KIAA1549L: variants seen among roughly 807,000 people sequenced by gnomAD.
KIAA1549L encodes the protein UPF0606 protein KIAA1549L.
In KIAA1549L, 88 loss-of-function variants were observed where a neutral mutation model predicts 160.7. That is an observed-to-expected ratio of 0.55 (90% confidence interval 0.46 to 0.65). KIAA1549L has a LOEUF of 0.65. Ranked by LOEUF, KIAA1549L falls within the 30% of genes least tolerant of loss-of-function variation. The pLI, the probability that KIAA1549L is intolerant of heterozygous loss-of-function variation, is 0.00. For synonymous variants in KIAA1549L, 950 were observed against 976.7 expected (o/e 0.97, Z 0.51); for missense variants, 2,258 against 2,437.5 (o/e 0.93, Z 1.55).
intron 11 of KIAA1549L, among the ~76,000 whole-genome samples, chr11:33,584,618 C>G (rs1855751942): frequency 1.3e-5 from 2 of 152,236 alleles, no homozygotes; most frequent in African/African-American, 4.8e-5. Context: ...TCCTCGAGGA[C>G]TATCACCTCG....
intron 20 of KIAA1549L, among the ~76,000 whole-genome samples, chr11:33,664,052 G>A (rs373477977): frequency 6.6e-6 from 1 of 152,282 alleles, no homozygotes; most frequent in South Asian, 2.1e-4. Context: ...GACTCAGACA[G>A]CCCAACTCTG....
At chr11:33,558,737 C>A (rs1183858711) in intron 6 of KIAA1549L, among the ~76,000 whole-genome samples, 1 of 152,088 alleles carries the variant, frequency 6.6e-6, no homozygotes, top group African/African-American at 2.4e-5. Context: ...CGTGCCATCT[C>A]ATAGGATGTT....
At chr11:33,431,296 C>T (rs1469961089) in intron 1 of KIAA1549L, among the ~76,000 whole-genome samples, 2 of 152,198 alleles carry the variant, frequency 1.3e-5, no homozygotes, top group Non-Finnish European at 2.9e-5. Flanking sequence ...CGGATTGCCA[C>T]TGCTGGCTCT....
intron 11 of KIAA1549L, 21 bp downstream of exon 11, chr11:33,583,522 G>A: frequency 6.4e-7 from 1 of 1,556,598 alleles, no homozygotes; most frequent in Middle Eastern, 1.7e-4. Flanking sequence ...GTGGTGGGGA[G>A]AGGGGCAGGA....
At chr11:33,391,422 A>C (rs1482390072) in intron 1 of KIAA1549L, among the ~76,000 whole-genome samples, 1 of 152,182 alleles carries the variant, frequency 6.6e-6, no homozygotes, top group Non-Finnish European at 1.5e-5. Context: ...AGTTGGATAC[A>C]CATTATTAGT....
chr11:33,439,703 T>C (rs767081564), intron 1 of KIAA1549L, among the ~76,000 whole-genome samples: 2 of 151,892 alleles, frequency 1.3e-5, no homozygotes, highest in Non-Finnish European at 2.9e-5. Flanking sequence ...CGTGCCCGGC[T>C]GAGTATTTAT....
chr11:33,618,558 A>C lies in KIAA1549L; in HGVS notation c.5305A>C (p.Arg1769=), dbSNP rs768474. Residue 1769 remains arginine (R), a synonymous_variant, in exon 16 of 21, where the codon AGA becomes CGA. Coordinates refer to ENST00000658780, the MANE Select transcript of KIAA1549L (RefSeq NM_012194.3). ...GCAACAGATGAAGAACTCTGTCTACAGAAGCCGGCAGTCTCTGAACAGCCC... is the reference window on the plus strand; with the variant it reads ...GCAACAGATGAAGAACTCTGTCTACCGAAGCCGGCAGTCTCTGAACAGCCC... ...NRQQMKNSVY[R]SRQSLNSPSP... 1,069,839 of 1,607,012 alleles carry C rather than the reference A, an allele frequency of 0.67. 359,540 individuals carry two copies. Among genetic ancestry groups the C allele is most frequent in the African/African-American group, 0.92 (68,787 of 74,914 alleles).
chr11:33,591,457 G>A, intron 12 of KIAA1549L, 36 bp downstream of exon 12: 3 of 1,514,102 alleles, frequency 2.0e-6, no homozygotes, highest in Non-Finnish European at 2.7e-6. Flanking sequence ...CTCTGTGTCA[G>A]CAAGAGAATA....
At chr11:33,531,423 G>C (rs1299340770) in intron 1 of KIAA1549L, among the ~76,000 whole-genome samples, 3 of 152,046 alleles carry the variant, frequency 2.0e-5, no homozygotes, top group Non-Finnish European at 2.9e-5. Flanking sequence ...TGCAGGAGCC[G>C]AGATTGCGCC....
At chr11:33,621,966 A>G (rs962049292) in intron 16 of KIAA1549L, among the ~76,000 whole-genome samples, 1 of 152,228 alleles carries the variant, frequency 6.6e-6, no homozygotes, top group Non-Finnish European at 1.5e-5. Context: ...TTTACAAACT[A>G]CTTCTCTTAG....
chr11:33,429,433 C>T (rs756169409), intron 1 of KIAA1549L, among the ~76,000 whole-genome samples: 13 of 152,216 alleles, frequency 8.5e-5, no homozygotes, highest in Admixed American at 3.3e-4. Flanking sequence ...ATCAGTCTTT[C>T]CTCCTTACTA....
intron 1 of KIAA1549L, among the ~76,000 whole-genome samples, chr11:33,446,639 T>C (rs1458411121): frequency 6.6e-6 from 1 of 152,152 alleles, no homozygotes; most frequent in Non-Finnish European, 1.5e-5. Context: ...ACTGCAGACA[T>C]CTAAAGGCTT....
chr11:33,522,058 G>T (rs2133127839), intron 1 of KIAA1549L, among the ~76,000 whole-genome samples: 1 of 152,220 alleles, frequency 6.6e-6, no homozygotes, highest in African/African-American at 2.4e-5. Flanking sequence ...TAAAATAAAT[G>T]CTATTTTGAT....
At chr11:33,449,218 A>G (rs543987786) in intron 1 of KIAA1549L, among the ~76,000 whole-genome samples, 7 of 152,220 alleles carry the variant, frequency 4.6e-5, no homozygotes, top group Admixed American at 3.3e-4. Flanking sequence ...AACTTTTTGG[A>G]AAATTTGCTC....
intron 20 of KIAA1549L, 35 bp downstream of exon 20, chr11:33,661,049 CCTGCTTAA>C: frequency 6.4e-7 from 1 of 1,574,622 alleles, no homozygotes; most frequent in Non-Finnish European, 8.6e-7. Flanking sequence ...TAAAACTTTA[CCTGCTTAA>C]CACATGCCAA....
chr11:33,448,608 G>A (rs1851662137), intron 1 of KIAA1549L, among the ~76,000 whole-genome samples: 1 of 152,072 alleles, frequency 6.6e-6, no homozygotes, highest in African/African-American at 2.4e-5. Flanking sequence ...TACACTCCAG[G>A]GACAGCTTGA....
intron 11 of KIAA1549L, among the ~76,000 whole-genome samples, chr11:33,590,059 A>G (rs1850002936): frequency 6.6e-6 from 1 of 152,222 alleles, no homozygotes; most frequent in African/African-American, 2.4e-5. Context: ...AGCAAAAGTA[A>G]TAACTAATAT....
chr11:33,420,942 G>A (rs1161566770), intron 1 of KIAA1549L, among the ~76,000 whole-genome samples: 2 of 152,140 alleles, frequency 1.3e-5, no homozygotes, highest in African/African-American at 4.8e-5. Context: ...CCATGGGAGG[G>A]TGACAAGGGT....
intron 20 of KIAA1549L, chr11:33,665,214 G>A (rs1320583598): frequency 1.3e-5 from 2 of 152,272 alleles, no homozygotes; most frequent in African/African-American, 4.8e-5. Flanking sequence ...ACACATGAAA[G>A]GTGAAGAAGG....
Sources: gnomAD v4.1 joint callset for allele counts (sites outside exome capture counted in the v4.1 genomes callset) on GRCh38, gnomAD v4.1.1 for gene constraint, MANE v1.5 for transcripts, NCBI Gene and HGNC (gene_info 2026-07-23, HGNC 2026-07-21) for gene names.